C12orf42: variants seen among roughly 807,000 people sequenced by gnomAD.
The protein encoded by C12orf42 is chromosome 12 open reading frame 42, also known as uncharacterized protein C12orf42.
A neutral mutation model predicts 21.6 loss-of-function variants in C12orf42; 25 were observed. That is an observed-to-expected ratio of 1.16 (90% CI 0.84 to 1.62). The LOEUF is 1.62. Among genes scored for constraint, C12orf42 ranks in the 40% most tolerant of loss-of-function variants. The pLI, the probability that C12orf42 is intolerant of heterozygous loss-of-function variation, is 0.00. For synonymous variants in C12orf42, 174 were observed against 175.0 expected, an observed-to-expected ratio of 0.99 and a Z score of 0.05; for missense variants, 483 against 459.3, an observed-to-expected ratio of 1.05 and a Z score of -0.47.
chr12:103,432,787 G>T (rs995432609), intron 2 of C12orf42, among the ~76,000 whole-genome samples: 3 of 152,140 alleles, frequency 2.0e-5, no homozygotes, highest in Non-Finnish European at 4.4e-5. Flanking sequence ...ACACACAGAG[G>T]GATGACCATG....
At chr12:103,244,138 G>A (rs570678258) in intron 10 of C12orf42, among the ~76,000 whole-genome samples, 2 of 152,202 alleles carry the variant, frequency 1.3e-5, no homozygotes, top group South Asian at 2.1e-4. Flanking sequence ...TCACATTTAT[G>A]TTACCAAAGA....
chr12:103,343,500 C>A (rs1055572513), intron 4 of C12orf42, among the ~76,000 whole-genome samples: 1 of 152,042 alleles, frequency 6.6e-6, no homozygotes, highest in Non-Finnish European at 1.5e-5. Context: ...TTTCTGAGGC[C>A]GGGCATGGTG....
At position 103,436,720 on chromosome 12, in the gene C12orf42, C is replaced by T. The variant is rs549732281; in HGVS notation, c.79-35045G>A. 2.1e-3 allele frequency among the ~76,000 whole-genome samples: 315 copies of T among 152,232 alleles called. 9 individuals are homozygous for T. The South Asian group carries it at 0.063, about 30-fold the overall frequency. On this transcript the variant is annotated intron_variant, in intron 2 of 5. Transcript: ENST00000548883. ...GAGCTAACTATCCTAAATATATATG[C>T]ACCCAATACAGGAGCACCCAGATTC...
At chr12:103,178,209 G>C in the C12orf42 span, 21 of 152,296 alleles carry the variant, frequency 1.4e-4, no homozygotes, top group African/African-American at 5.1e-4. Context: ...CTGCAAGAAA[G>C]CACACCACAC....
the C12orf42 span, among the ~76,000 whole-genome samples, chr12:103,547,369 G>T: frequency 2.0e-5 from 3 of 152,202 alleles, no homozygotes; most frequent in Non-Finnish European, 2.9e-5. Context: ...CTATTGGACC[G>T]AGCTGAGAGC....
At chr12:103,442,869 G>GAA (rs1481412512) in intron 2 of C12orf42, among the ~76,000 whole-genome samples, 1 of 152,012 alleles carries the variant, frequency 6.6e-6, no homozygotes, top group Admixed American at 6.6e-5. Flanking sequence ...AATAACCTTG[G>GAA]AAATTATACA....
the C12orf42 span, among the ~76,000 whole-genome samples, chr12:103,102,390 A>G: frequency 1.6e-3 from 239 of 152,258 alleles, no homozygotes; most frequent in Non-Finnish European, 2.9e-3. Flanking sequence ...CATCATTTCC[A>G]TTCCAGAACA....
At chr12:103,330,946 T>C (rs928882497) in intron 4 of C12orf42, among the ~76,000 whole-genome samples, 1 of 152,232 alleles carries the variant, frequency 6.6e-6, no homozygotes. Flanking sequence ...GTACAGAAAG[T>C]AGCCAAAGAT....
chr12:103,305,677 G>A (rs2038221015), intron 5 of C12orf42, among the ~76,000 whole-genome samples: 6 of 152,130 alleles, frequency 3.9e-5, no homozygotes, highest in Admixed American at 3.9e-4. Context: ...CACAGTGTCT[G>A]GCACATGGTG....
At chr12:103,518,332 C>T in the C12orf42 span, among the ~76,000 whole-genome samples, 4 of 152,164 alleles carry the variant, frequency 2.6e-5, no homozygotes, top group Non-Finnish European at 5.9e-5. Context: ...CAAGCCATCC[C>T]ATTGGATTCT....
the C12orf42 span, among the ~76,000 whole-genome samples, chr12:103,089,633 G>C: frequency 6.6e-6 from 1 of 151,800 alleles, no homozygotes; most frequent in Non-Finnish European, 1.5e-5. Context: ...GTGTGTGTGT[G>C]TGTGTGTGTG....
At chr12:103,259,592 T>C (rs11836760) in intron 10 of C12orf42, among the ~76,000 whole-genome samples, 1 of 152,204 alleles carries the variant, frequency 6.6e-6, no homozygotes, top group African/African-American at 2.4e-5. Context: ...TTACCTTAAC[T>C]TTAAATCTCA....
the C12orf42 span, chr12:103,167,910 GTGTTTGTGTC>G: frequency 4.6e-5 from 11 of 239,896 alleles, no homozygotes; most frequent in East Asian, 3.4e-4. Flanking sequence ...GTGTGTGTGT[GTGTTTGTGTC>G]TGTGTGTGTG....
chr12:103,485,220 A>G (rs964228021), intron 1 of C12orf42, among the ~76,000 whole-genome samples: 8 of 152,104 alleles, frequency 5.3e-5, no homozygotes, highest in African/African-American at 1.9e-4. Context: ...ACCATTTATT[A>G]AATAGGGAAT....
the C12orf42 span, among the ~76,000 whole-genome samples, chr12:103,103,537 T>A: frequency 6.6e-6 from 1 of 152,220 alleles, no homozygotes; most frequent in Admixed American, 6.5e-5. Context: ...ACTTGAAATG[T>A]ACCACTATCT....
chr12:103,228,747 A>G, the C12orf42 span, among the ~76,000 whole-genome samples: 13 of 151,942 alleles, frequency 8.6e-5, no homozygotes, highest in African/African-American at 2.9e-4. Context: ...CTATAAGAGC[A>G]ATTTCTCCTG....
chr12:103,069,584 A>G, the C12orf42 span, among the ~76,000 whole-genome samples: 3 of 152,180 alleles, frequency 2.0e-5, no homozygotes, highest in African/African-American at 7.2e-5. Flanking sequence ...TTTATGGATA[A>G]TTGAAGTATG....
chr12:103,519,803 G>A, the C12orf42 span, among the ~76,000 whole-genome samples: 1 of 152,116 alleles, frequency 6.6e-6, no homozygotes, highest in Non-Finnish European at 1.5e-5. Context: ...ACAGATGACT[G>A]GAGTCAGGAA....
chr12:103,493,207 G>A (rs1397576215), intron 1 of C12orf42, among the ~76,000 whole-genome samples: 2 of 152,052 alleles, frequency 1.3e-5, no homozygotes, highest in Non-Finnish European at 2.9e-5. Context: ...ATTTCTCTTA[G>A]AATAAAATCC....
Sources: gnomAD v4.1 joint callset for allele counts (sites outside exome capture counted in the v4.1 genomes callset) on GRCh38, gnomAD v4.1.1 for gene constraint, MANE v1.5 for transcripts, NCBI Gene and HGNC (gene_info 2026-07-23, HGNC 2026-07-21) for gene names.